IP6K1: variants seen among roughly 807,000 people sequenced by gnomAD.
IP6K1 encodes inositol hexakisphosphate kinase 1, also known as ATP:1D-myo-inositol-hexakisphosphate phosphotransferase.
IP6K1 carries 13 observed loss-of-function variants against 38.3 expected under a neutral mutation model. The ratio of observed to expected loss-of-function variants is 0.34; its 90% CI spans 0.22 to 0.54. The LOEUF (loss-of-function observed/expected upper bound fraction) is 0.54, where lower values mean the gene tolerates loss of function less well. Ranked by LOEUF, IP6K1 falls within the 20% of genes least tolerant of loss-of-function variation. IP6K1 has a pLI of 0.92. For synonymous variants in IP6K1, 212 were observed against 229.9 expected (o/e 0.92, Z 0.70); for missense variants, 397 against 599.8 (o/e 0.66, Z 3.53).
chr3:49,736,987 T>A (rs906452166), intron 3 of IP6K1, among the ~76,000 whole-genome samples: 3 of 151,802 alleles, frequency 2.0e-5, no homozygotes, highest in Non-Finnish European at 4.4e-5. Flanking sequence ...TTAGCCAGGA[T>A]GGTCTCGATC....
chr3:49,777,788 G>A (rs564904882), intron 1 of IP6K1, among the ~76,000 whole-genome samples: 7 of 151,522 alleles, frequency 4.6e-5, no homozygotes, highest in Admixed American at 1.3e-4. Flanking sequence ...GGTGGCAGGC[G>A]CCTGTAGTCC....
chr3:49,765,896 G>C (rs529022404), intron 1 of IP6K1, among the ~76,000 whole-genome samples: 1 of 151,698 alleles, frequency 6.6e-6, no homozygotes. Flanking sequence ...AACACACAAA[G>C]CCAGGCGCGG....
At chr3:49,773,545 A>G (rs575552637) in intron 1 of IP6K1, among the ~76,000 whole-genome samples, 1 of 152,308 alleles carries the variant, frequency 6.6e-6, no homozygotes, top group African/African-American at 2.4e-5. Flanking sequence ...TGGGAGGCGG[A>G]GCCTGCAGTG....
At chr3:49,786,228 G>C (rs997090935) in intron 1 of IP6K1, 126 bp downstream of exon 1, 1 of 152,230 alleles carries the variant, frequency 6.6e-6, no homozygotes, top group African/African-American at 2.4e-5. Flanking sequence ...CAGGACGCTC[G>C]AGCGATGTTC....
chr3:49,743,921 A>G (rs1242440806), intron 2 of IP6K1, among the ~76,000 whole-genome samples: 3 of 151,366 alleles, frequency 2.0e-5, no homozygotes, highest in Non-Finnish European at 4.4e-5. Flanking sequence ...TGCCCGGCGG[A>G]GCCATGGTTT....
chr3:49,779,244 C>G (rs1404753551), intron 1 of IP6K1, among the ~76,000 whole-genome samples: 3 of 152,140 alleles, frequency 2.0e-5, no homozygotes, highest in Non-Finnish European at 4.4e-5. Context: ...ACTTTTGTAT[C>G]TGACTTCTTT....
At chr3:49,744,012 T>TAATGCCTAATGGTGTGTGC (rs1335407229) in intron 2 of IP6K1, among the ~76,000 whole-genome samples, 2 of 152,144 alleles carry the variant, frequency 1.3e-5, no homozygotes, top group African/African-American at 4.8e-5. Flanking sequence ...ATGGTGTGTG[T>TAATGCCTAATGGTGTGTGC]AATGCCTAAT....
At chr3:49,750,540 C>CA (rs1023671717) in intron 1 of IP6K1, among the ~76,000 whole-genome samples, 19 of 150,444 alleles carry the variant, frequency 1.3e-4, no homozygotes, top group South Asian at 2.1e-4. Context: ...TCTAAAAATA[C>CA]AAAAAAAAAG....
At chr3:49,744,815 C>A (rs1035242662) in intron 2 of IP6K1, among the ~76,000 whole-genome samples, 2 of 152,192 alleles carry the variant, frequency 1.3e-5, no homozygotes, top group East Asian at 3.8e-4. Flanking sequence ...CTAGCCCACA[C>A]ACATACACAC....
intron 2 of IP6K1, among the ~76,000 whole-genome samples, chr3:49,740,658 T>C (rs2080658736): frequency 6.6e-6 from 1 of 152,188 alleles, no homozygotes; most frequent in Non-Finnish European, 1.5e-5. Flanking sequence ...GCAAGGTTCA[T>C]CTGTGTCACA....
intron 1 of IP6K1, among the ~76,000 whole-genome samples, chr3:49,767,861 G>A (rs536018106): frequency 6.6e-6 from 1 of 152,222 alleles, no homozygotes; most frequent in East Asian, 1.9e-4. Context: ...TAAAGTACTT[G>A]TATAACTCGA....
At chr3:49,751,797 T>G (rs1043984712) in intron 1 of IP6K1, among the ~76,000 whole-genome samples, 6 of 152,198 alleles carry the variant, frequency 3.9e-5, no homozygotes, top group Non-Finnish European at 8.8e-5. Flanking sequence ...ACGCTATGTA[T>G]GAAAAGAACT....
At chr3:49,758,892 C>T (rs759572511) in intron 1 of IP6K1, among the ~76,000 whole-genome samples, 5 of 151,326 alleles carry the variant, frequency 3.3e-5, no homozygotes, top group African/African-American at 9.7e-5. Context: ...ACCCAGGAGG[C>T]GGAGGTTACA....
At chr3:49,750,812 C>A (rs1026551752) in intron 1 of IP6K1, among the ~76,000 whole-genome samples, 1 of 152,192 alleles carries the variant, frequency 6.6e-6, no homozygotes, top group Non-Finnish European at 1.5e-5. Flanking sequence ...TCTATCTAGA[C>A]ATTTGGTATT....
At chr3:49,772,936 A>C (rs2080972484) in intron 1 of IP6K1, among the ~76,000 whole-genome samples, 2 of 151,056 alleles carry the variant, frequency 1.3e-5, no homozygotes, top group South Asian at 4.2e-4. Context: ...TGATCCTCCT[A>C]CCTCAGCCTC....
At chr3:49,774,308 T>C (rs934111565) in intron 1 of IP6K1, among the ~76,000 whole-genome samples, 4 of 144,206 alleles carry the variant, frequency 2.8e-5, no homozygotes, top group Non-Finnish European at 4.5e-5. Flanking sequence ...CTCGAGAAGC[T>C]GAGGCAGGAG....
At chr3:49,756,502 A>G (rs568542426) in intron 1 of IP6K1, among the ~76,000 whole-genome samples, 1 of 152,280 alleles carries the variant, frequency 6.6e-6, no homozygotes, top group African/African-American at 2.4e-5. Context: ...ATACAGGGGA[A>G]ATCAAAATGA....
chr3:49,765,379 C>A (rs1444267973), intron 1 of IP6K1, among the ~76,000 whole-genome samples: 1 of 151,326 alleles, frequency 6.6e-6, no homozygotes, highest in Non-Finnish European at 1.5e-5. Flanking sequence ...TGGTGGCTCA[C>A]GCCTGTAATC....
At chr3:49,766,333 C>T (rs2080911101) in intron 1 of IP6K1, among the ~76,000 whole-genome samples, 1 of 151,878 alleles carries the variant, frequency 6.6e-6, no homozygotes, top group Non-Finnish European at 1.5e-5. Context: ...CGCGCCACTG[C>T]ACTCCAGCCT....
Sources: gnomAD v4.1 joint callset for allele counts (sites outside exome capture counted in the v4.1 genomes callset) on GRCh38, gnomAD v4.1.1 for gene constraint, MANE v1.5 for transcripts, NCBI Gene and HGNC (gene_info 2026-07-23, HGNC 2026-07-21) for gene names.